The following NREP variants were observed in gnomAD, a reference collection of about 807,000 sequenced individuals.
The protein encoded by NREP is neuronal regeneration related protein.
A neutral mutation model predicts 8.6 loss-of-function variants in NREP; 5 were observed. That is an observed-to-expected ratio of 0.58 (90% CI 0.30 to 1.22). NREP has a LOEUF of 1.22. NREP is among the 50% of genes most tolerant of loss of function. The pLI, the probability that NREP is intolerant of heterozygous loss-of-function variation, is 0.07. For synonymous variants in NREP, 27 were observed against 28.0 expected (o/e 0.96, Z 0.11); for missense variants, 86 against 82.5 (o/e 1.04, Z -0.17).
intron 2 of NREP, 75 bp from the exon 3 acceptor site, chr5:111,735,582 T>C: frequency 9.6e-7 from 1 of 1,036,866 alleles, no homozygotes; most frequent in Admixed American, 1.8e-5. Context: ...ATAACCTTAA[T>C]GAGCTCAATT....
intron 2 of NREP, among the ~76,000 whole-genome samples, chr5:111,942,093 A>C (rs1283332401): frequency 6.6e-6 from 1 of 152,060 alleles, no homozygotes; most frequent in Non-Finnish European, 1.5e-5. Flanking sequence ...TCATTTTATT[A>C]CCATAAAAAC....
chr5:111,734,788 T>A (rs1219991981), intron 3 of NREP: 1 of 689,758 alleles, frequency 1.4e-6, no homozygotes, highest in South Asian at 1.5e-5. Flanking sequence ...CTCTCCCCGC[T>A]TGAAGTCAAA....
chr5:111,798,731 C>T (rs915954060), intron 2 of NREP, among the ~76,000 whole-genome samples: 5 of 142,802 alleles, frequency 3.5e-5, no homozygotes, highest in African/African-American at 1.3e-4. Context: ...AGTAGTATTC[C>T]ATGGTGTGTG....
rs565805587 is a variant in NREP at position 111,742,163 on chromosome 5, T to G, written c.4-6656A>C. On this transcript the variant is annotated intron_variant, in intron 2 of 3. Coordinates refer to ENST00000257435, the MANE Select transcript of NREP (RefSeq NM_004772.4). ...TACGGGCACAGAAAGCGTTCATATT[T>G]TATTAATATTATGCCACAGATGATG... Among the ~76,000 whole-genome samples the G allele has an allele frequency of 1.2e-3, 190 of 152,282 alleles. 2 individuals carry two copies. Among genetic ancestry groups the G allele is most frequent in the Non-Finnish European group, 5.7e-4 (39 of 68,028 alleles).
intron 2 of NREP, among the ~76,000 whole-genome samples, chr5:111,970,818 T>G (rs1581262148): frequency 1.3e-5 from 1 of 77,750 alleles, no homozygotes; most frequent in South Asian, 5.5e-4. Context: ...AAAGCAAGAC[T>G]CCATCTCAAA....
At chr5:111,772,550 C>G (rs1751256294) in intron 2 of NREP, among the ~76,000 whole-genome samples, 1 of 152,138 alleles carries the variant, frequency 6.6e-6, no homozygotes, top group South Asian at 2.1e-4. Flanking sequence ...CATCTTTATG[C>G]ACCTGAGAAG....
At chr5:111,778,862 T>C (rs1751424963) in intron 2 of NREP, among the ~76,000 whole-genome samples, 2 of 152,142 alleles carry the variant, frequency 1.3e-5, no homozygotes, top group East Asian at 1.9e-4. Flanking sequence ...ATACGATGAT[T>C]TTTTAAGCAA....
At position 111,861,583 on chromosome 5, in the gene NREP, T is replaced by G. The variant is rs1753545021; in HGVS notation, c.135+113691A>C. The stretch of plus-strand genomic sequence containing the variant: ...CAGAAGGAGCCATAACAAACATTAC[T>G]GTGTCATTTTATGATTAGATTTCAG... On this transcript the variant is annotated intron_variant, in intron 2 of 3. Coordinates refer to the NREP transcript ENST00000395634. Among the ~76,000 whole-genome samples the G allele has an allele frequency of 2.0e-5, 3 of 152,286 alleles. 1 individual carries two copies. The South Asian group carries it at 6.2e-4, about 32-fold the overall frequency.
At chr5:111,906,324 TA>T (rs1441928914) in intron 2 of NREP, among the ~76,000 whole-genome samples, 2 of 121,188 alleles carry the variant, frequency 1.7e-5, no homozygotes, top group Non-Finnish European at 4.3e-5. Flanking sequence ...AGAAAAAAGA[TA>T]AATTTTTTTT....
At chr5:111,822,728 A>G (rs1752537826) in intron 2 of NREP, among the ~76,000 whole-genome samples, 1 of 150,416 alleles carries the variant, frequency 6.6e-6, no homozygotes, top group Admixed American at 6.7e-5. Context: ...CCAGTGAACA[A>G]GCTCAAATAG....
chr5:111,734,826 C>T (rs1748952943), intron 3 of NREP: 1 of 571,510 alleles, frequency 1.7e-6, no homozygotes, highest in South Asian at 2.3e-5. Flanking sequence ...AGGCAAAGTC[C>T]AGTATCTACA....
At chr5:111,800,085 CTT>C (rs750853784) in intron 2 of NREP, among the ~76,000 whole-genome samples, 1 of 141,144 alleles carries the variant, frequency 7.1e-6, no homozygotes, top group African/African-American at 2.6e-5. Flanking sequence ...ACGCCAACTA[CTT>C]TTTTTTTTTT....
intron 2 of NREP, among the ~76,000 whole-genome samples, chr5:111,828,333 A>G (rs1449278228): frequency 6.6e-6 from 1 of 151,948 alleles, no homozygotes; most frequent in Non-Finnish European, 1.5e-5. Context: ...CCGGCCGGAT[A>G]TTTGTTTTCT....
At chr5:111,929,127 C>G (rs900289354) in intron 2 of NREP, among the ~76,000 whole-genome samples, 2 of 152,046 alleles carry the variant, frequency 1.3e-5, no homozygotes, top group Non-Finnish European at 2.9e-5. Flanking sequence ...GTAAATGGTA[C>G]TAATAGTTTA....
At chr5:111,812,164 G>A (rs577816374) in intron 2 of NREP, among the ~76,000 whole-genome samples, 2 of 152,138 alleles carry the variant, frequency 1.3e-5, no homozygotes, top group South Asian at 4.1e-4. Flanking sequence ...GCTCACACCG[G>A]TAGTCCCAGC....
chr5:111,744,099 T>C (rs1379572831), intron 2 of NREP, among the ~76,000 whole-genome samples: 2 of 152,188 alleles, frequency 1.3e-5, no homozygotes, highest in East Asian at 1.9e-4. Flanking sequence ...ATTCCTCTTG[T>C]TGACATGTGC....
At position 111,894,289 on chromosome 5, in the gene NREP, T is replaced by C. The variant is rs563789345; in HGVS notation, c.135+80985A>G. Among the ~76,000 whole-genome samples, 6 of 152,180 alleles carry C rather than the reference T, an allele frequency of 3.9e-5. No individual in the cohort carries two copies. The East Asian group carries it at 1.2e-3, about 29-fold the overall frequency. On this transcript the variant is annotated intron_variant, in intron 2 of 3. Coordinates refer to the NREP transcript ENST00000395634. The stretch of plus-strand genomic sequence containing the variant: ...AAAATTTGATTTATCTTAGTTCAAG[T>C]GTAGGGTATTGAAGAGAATCAATTT...
intron 1 of NREP, chr5:111,756,311 A>AG (rs1750699902): frequency 6.7e-6 from 2 of 298,582 alleles, no homozygotes; most frequent in Non-Finnish European, 9.1e-6. Flanking sequence ...AAAAAAAAAA[A>AG]ACCCTACACG....
At chr5:111,920,286 CTTTA>C (rs1755201178) in intron 2 of NREP, among the ~76,000 whole-genome samples, 1 of 151,696 alleles carries the variant, frequency 6.6e-6, no homozygotes, top group African/African-American at 2.4e-5. Flanking sequence ...TTTTTTATTC[CTTTA>C]TTTATTATGT....
Sources: gnomAD v4.1 joint callset for allele counts (sites outside exome capture counted in the v4.1 genomes callset) on GRCh38, gnomAD v4.1.1 for gene constraint, MANE v1.5 for transcripts, NCBI Gene and HGNC (gene_info 2026-07-23, HGNC 2026-07-21) for gene names.